The following ATAD5 variants were observed in gnomAD, a reference collection of about 807,000 sequenced individuals.
ATAD5 encodes the protein ATPase family AAA domain-containing protein 5.
In ATAD5, 58 loss-of-function variants were observed where a neutral mutation model predicts 176.9. The ratio of observed to expected loss-of-function variants is 0.33; its 90% CI spans 0.27 to 0.41. The LOEUF is 0.41. Ranked by LOEUF, ATAD5 falls within the 10% of genes least tolerant of loss-of-function variation. The pLI is 1.00. For missense variants in ATAD5, 1,789 were observed against 2,094.1 expected, an observed-to-expected ratio of 0.85 and a Z score of 2.84; for synonymous variants, 640 against 712.6, an observed-to-expected ratio of 0.90 and a Z score of 1.62.
At chr17:30,868,542 C>A in intron 12 of ATAD5, 130 bp downstream of exon 12, 1 of 569,256 alleles carries the variant, frequency 1.8e-6, no homozygotes, top group Non-Finnish European at 2.5e-6. Flanking sequence ...GAGTCTTGCT[C>A]TGTTTCCCAT....
At position 30,832,220 on chromosome 17, in the gene ATAD5, A is replaced by C; in HGVS notation, c.-128A>C. 1 of 681,468 alleles carries C rather than the reference A, an allele frequency of 1.5e-6. No individual in the cohort carries two copies. 42.2% of individuals were successfully genotyped at this position (681,468 alleles called of 1,614,324 possible). On this transcript the variant is annotated 5_prime_UTR_variant, in exon 1 of 23. Coordinates refer to ENST00000321990, the MANE Select transcript of ATAD5 (RefSeq NM_024857.5). ...CGCTCTCTGTCGGTGGGCGCGGGGG[A>C]ATCCGAAACGGCTCAGCAGAATCCC...
chr17:30,832,449 T>C, intron 1 of ATAD5, 36 bp downstream of exon 1: 1 of 1,489,828 alleles, frequency 6.7e-7, no homozygotes, highest in Non-Finnish European at 9.0e-7. Context: ...AGTTCCTTCC[T>C]CTATCTTTTG....
At chr17:30,846,427 G>A (rs185893107) in intron 6 of ATAD5, among the ~76,000 whole-genome samples, 3 of 145,308 alleles carry the variant, frequency 2.1e-5, no homozygotes, top group South Asian at 2.1e-4. Flanking sequence ...TTTTTTAGAC[G>A]GAGTCTCACT....
chr17:30,839,134 A>G (rs1905925427), intron 3 of ATAD5, among the ~76,000 whole-genome samples: 1 of 152,060 alleles, frequency 6.6e-6, no homozygotes, highest in African/African-American at 2.4e-5. Context: ...GTGCCTGGCC[A>G]GATTTTTAAT....
chr17:30,893,642 T>C lies in ATAD5; in HGVS notation c.4789T>C (p.Ser1597Pro). The change falls in exon 21 of 23, where the codon TCT becomes CCT. Residue 1597 changes from serine to proline, a missense_variant. Ser to Pro is a moderately conservative substitution (Grantham distance 74). Transcript: ENST00000321990. ...DQSISLSSVS[S>P]SSNAEESKTG... Reference sequence around the variant, plus strand: ...ATCTATTAGCCTGTCCTCTGTATCATCTTCCTCAAATGCAGAAGAAAGCAA... The same window carrying C: ...ATCTATTAGCCTGTCCTCTGTATCACCTTCCTCAAATGCAGAAGAAAGCAA... 1 of 1,613,830 alleles carries C rather than the reference T, an allele frequency of 6.2e-7. No individual in the cohort carries two copies. The highest frequency in any genetic ancestry group is 1.1e-5 in the South Asian group (1 of 91,026).
intron 14 of ATAD5, chr17:30,869,852 A>G: frequency 1.8e-6 from 1 of 554,868 alleles, no homozygotes; most frequent in Non-Finnish European, 3.0e-6. Flanking sequence ...TCTCTATCTG[A>G]TAAGGACTTT....
intron 20 of ATAD5, 23 bp from the exon 21 acceptor site, chr17:30,893,271 C>A: frequency 3.2e-6 from 5 of 1,543,060 alleles, no homozygotes; most frequent in South Asian, 1.3e-5. Flanking sequence ...TGTAACATTT[C>A]TTTACTCAAA....
chr17:30,884,033 A>G (rs1909171892), intron 18 of ATAD5, among the ~76,000 whole-genome samples: 1 of 152,144 alleles, frequency 6.6e-6, no homozygotes, highest in Non-Finnish European at 1.5e-5. Context: ...CTGAAATTCT[A>G]CGCTTGTTAA....
At chr17:30,837,780 C>T (rs892646970) in intron 3 of ATAD5, among the ~76,000 whole-genome samples, 5 of 152,168 alleles carry the variant, frequency 3.3e-5, no homozygotes, top group Non-Finnish European at 7.3e-5. Context: ...GAGGGGTCTC[C>T]ACCCTCATGA....
chr17:30,891,982 CAGGCGTG>C (rs1335035414), intron 19 of ATAD5, among the ~76,000 whole-genome samples: 3 of 151,850 alleles, frequency 2.0e-5, no homozygotes, highest in Admixed American at 2.0e-4. Flanking sequence ...GCTGGGATTA[CAGGCGTG>C]AGCCACCTCA....
intron 9 of ATAD5, among the ~76,000 whole-genome samples, chr17:30,860,180 C>A (rs1907540831): frequency 1.3e-5 from 2 of 152,080 alleles, no homozygotes; most frequent in Admixed American, 1.3e-4. Flanking sequence ...CATGCCACCA[C>A]CCCTGGCTGA....
At chr17:30,891,717 G>A (rs753814743) in intron 19 of ATAD5, among the ~76,000 whole-genome samples, 2 of 149,944 alleles carry the variant, frequency 1.3e-5, no homozygotes, top group African/African-American at 4.9e-5. Flanking sequence ...TTGGAGTCTC[G>A]CTCTGTTGCC....
At chr17:30,894,331 T>C (rs1335657064) in intron 21 of ATAD5, among the ~76,000 whole-genome samples, 181 bp downstream of exon 21, 1 of 152,096 alleles carries the variant, frequency 6.6e-6, no homozygotes, top group Non-Finnish European at 1.5e-5. Flanking sequence ...AGAGAAATAA[T>C]GAGTGATTGG....
chr17:30,883,387 G>A (rs117737866), intron 18 of ATAD5, among the ~76,000 whole-genome samples: 2 of 151,812 alleles, frequency 1.3e-5, no homozygotes, highest in African/African-American at 4.8e-5. Context: ...TCAGCCTCCC[G>A]AAGTGCTGGT....
In ATAD5 at chr17:30,837,287, T is replaced by A; in HGVS notation, c.2049T>A (p.Asp683Glu). ...NKRSEKSEAT[D>E]GGFTSQIRKA... ...GATCTGAGAAATCTGAAGCAACTGA[T>A]GGAGGTTTTACTTCTCAGATTAGAA... The change falls in exon 3 of 23, where the codon GAT (aspartate) becomes GAA (glutamate). Residue 683 changes from aspartate to glutamate, a missense_variant. By Grantham distance (45) the Asp-to-Glu change is conservative. This residue lies in a region of ATAD5 where 487 missense variants were observed against 573.6 expected (regional missense o/e 0.85). Coordinates refer to ENST00000321990, the MANE Select transcript of ATAD5 (RefSeq NM_024857.5). 4 of 1,580,090 alleles carry A rather than the reference T, an allele frequency of 2.5e-6. No individual in the cohort carries two copies. The highest frequency in any genetic ancestry group is 3.4e-6 in the Non-Finnish European group (4 of 1,166,266).
At chr17:30,852,109 G>C (rs1161616812) in intron 6 of ATAD5, among the ~76,000 whole-genome samples, 5 of 152,134 alleles carry the variant, frequency 3.3e-5, no homozygotes, top group Admixed American at 6.5e-5. Flanking sequence ...TTCTTTCTTT[G>C]TTAGTTGGCT....
chr17:30,881,116 AAAG>A (rs967483360), intron 18 of ATAD5, among the ~76,000 whole-genome samples: 3 of 151,770 alleles, frequency 2.0e-5, no homozygotes, highest in African/African-American at 7.3e-5. Flanking sequence ...CTAAAAAAAA[AAAG>A]TTTTTAAAAT....
Position 30,858,258 on chromosome 17 carries a change from T to A in ATAD5, c.2891T>A (p.Phe964Tyr). ...CCTGAATTTTCATTGAAAAAATATTTTCCCTTACTCCTAAAAAAACAAATT... is the reference window on the plus strand; with the variant it reads ...CCTGAATTTTCATTGAAAAAATATTATCCCTTACTCCTAAAAAAACAAATT... Reference protein sequence around the residue: ...SNPEFSLKKYFPLLLKKQIEH... With the variant: ...SNPEFSLKKYYPLLLKKQIEH... Residue 964 changes from phenylalanine (F) to tyrosine (Y), a missense_variant, in exon 9 of 23, where the codon TTT becomes TAT. Phe to Tyr is a conservative substitution (Grantham distance 22). Coordinates refer to ENST00000321990, the MANE Select transcript of ATAD5 (RefSeq NM_024857.5). 1 of 1,599,046 alleles carries A rather than the reference T, an allele frequency of 6.3e-7. No homozygotes were observed. Among genetic ancestry groups the A allele is most frequent in the African/African-American group, 1.3e-5 (1 of 74,478 alleles).
chr17:30,881,096 T>TGTTA (rs146227099), intron 18 of ATAD5, among the ~76,000 whole-genome samples: 3 of 151,874 alleles, frequency 2.0e-5, no homozygotes, highest in Admixed American at 2.0e-4. Flanking sequence ...TTTTCTTTTT[T>TGTTA]TTCATTCTTC....
Sources: gnomAD v4.1 joint callset for allele counts (sites outside exome capture counted in the v4.1 genomes callset) on GRCh38, gnomAD v4.1.1 for gene constraint, gnomAD v4.1.1 regional missense constraint, MANE v1.5 for transcripts, NCBI Gene and HGNC (gene_info 2026-07-23, HGNC 2026-07-21) for gene names.